DGKH: variants seen among roughly 807,000 people sequenced by gnomAD.
DGKH encodes diacylglycerol kinase eta.
Under a neutral mutation model 159.3 loss-of-function variants are expected in DGKH, and 90 were observed. The observed-to-expected ratio is 0.57, with a 90% CI of 0.48 to 0.67. DGKH has a LOEUF of 0.67. Among genes scored for constraint, DGKH ranks in the 30% least tolerant of loss-of-function variants. The pLI is 0.00. For missense variants in DGKH, 1,181 were observed against 1,506.1 expected (o/e 0.78, Z 3.57); for synonymous variants, 536 against 553.8 (o/e 0.97, Z 0.45).
At chr13:42,198,652 T>TC in intron 18 of DGKH, 57 bp downstream of exon 18, 1 of 1,138,030 alleles carries the variant, frequency 8.8e-7, no homozygotes, top group South Asian at 1.3e-5. Context: ...TTTTTTTTTT[T>TC]CAACATGAAC....
chr13:42,117,175 A>G lies in DGKH; in HGVS notation c.193-10288A>G, dbSNP rs77749632. 6.5e-3 allele frequency among the ~76,000 whole-genome samples: 990 copies of G among 152,362 alleles called. 10 individuals are homozygous for G. The highest frequency in any genetic ancestry group is 0.023 in the African/African-American group (946 of 41,584). Reference sequence around the variant, plus strand: ...TAAAACTAAAACATACTTGCTTTTAACAGATTCTTAACCATAACTCTGATT... The same window carrying G: ...TAAAACTAAAACATACTTGCTTTTAGCAGATTCTTAACCATAACTCTGATT... On this transcript the variant is annotated intron_variant, in intron 1 of 29. Coordinates refer to ENST00000337343, the MANE Select transcript of DGKH (RefSeq NM_178009.5).
intron 13 of DGKH, among the ~76,000 whole-genome samples, chr13:42,179,897 T>C (rs994541145): frequency 3.3e-5 from 5 of 152,152 alleles, no homozygotes; most frequent in African/African-American, 4.8e-5. Flanking sequence ...ACTCTAATTA[T>C]CCTGTTTGCA....
chr13:42,233,306 A>C lies in DGKH; in HGVS notation c.*4118A>C, dbSNP rs1958345526. On this transcript the variant is annotated 3_prime_UTR_variant, in exon 30 of 30. Transcript: ENST00000337343. ...CTCAAAATGTGATCCATGGGCCAGC[A>C]GCATCAATATTACCTGGGAGCTTAC... The C allele has an allele frequency of 1.3e-5, 2 of 152,352 alleles. 1 individual carries two copies. Among genetic ancestry groups the C allele is most frequent in the Middle Eastern group, 6.8e-3 (2 of 294 alleles). The allele number at this position is 152,352 out of a possible 1,614,324, so 9.4% of individuals were successfully genotyped here. A position where few individuals can be genotyped will look rare whatever the true frequency, so the allele number is the denominator to read the frequency against.
At chr13:42,186,623 CAA>C (rs966918289) in intron 13 of DGKH, among the ~76,000 whole-genome samples, 3 of 152,114 alleles carry the variant, frequency 2.0e-5, no homozygotes, top group African/African-American at 7.2e-5. Context: ...CTGTAACAAT[CAA>C]AATATCCATA....
intron 1 of DGKH, among the ~76,000 whole-genome samples, chr13:42,052,579 A>C (rs966927464): frequency 6.6e-6 from 1 of 152,244 alleles, no homozygotes; most frequent in African/African-American, 2.4e-5. Context: ...TTGGATTTGC[A>C]TTCAGACATA....
intron 29 of DGKH, among the ~76,000 whole-genome samples, chr13:42,251,464 C>T (rs897934287): frequency 6.6e-6 from 1 of 152,160 alleles, no homozygotes; most frequent in Non-Finnish European, 1.5e-5. Context: ...TATACCCACT[C>T]ATGTCTGTTC....
At chr13:42,225,817 T>C (rs918787788) in intron 29 of DGKH, among the ~76,000 whole-genome samples, 3 of 150,530 alleles carry the variant, frequency 2.0e-5, no homozygotes, top group Non-Finnish European at 4.4e-5. Context: ...TATAATGATA[T>C]GTGATAAAAA....
intron 29 of DGKH, among the ~76,000 whole-genome samples, chr13:42,227,104 T>A (rs1308289046): frequency 1.3e-5 from 2 of 151,998 alleles, no homozygotes; most frequent in Non-Finnish European, 2.9e-5. Flanking sequence ...TGGGTCCTGT[T>A]GTGGGGGCAG....
chr13:42,173,258 A>C (rs942742691), intron 11 of DGKH, among the ~76,000 whole-genome samples: 1 of 152,222 alleles, frequency 6.6e-6, no homozygotes, highest in Non-Finnish European at 1.5e-5. Context: ...GGCATGAGGC[A>C]CCACACCTGG....
chr13:42,223,632 G>A (rs1360966776), intron 29 of DGKH, among the ~76,000 whole-genome samples: 1 of 151,748 alleles, frequency 6.6e-6, no homozygotes, highest in African/African-American at 2.4e-5. Flanking sequence ...GTGGTGGCAC[G>A]CTCCTATAGT....
chr13:42,079,731 G>A (rs1280637818), intron 1 of DGKH, among the ~76,000 whole-genome samples: 4 of 152,182 alleles, frequency 2.6e-5, no homozygotes, highest in African/African-American at 9.6e-5. Flanking sequence ...TAACCATAAT[G>A]CTAACTTTAA....
intron 11 of DGKH, 150 bp from the exon 12 acceptor site, chr13:42,173,910 G>T: frequency 2.1e-6 from 1 of 469,772 alleles, no homozygotes; most frequent in Non-Finnish European, 3.7e-6. Context: ...ATTTTTGGTT[G>T]TTTTAAGATA....
intron 1 of DGKH, among the ~76,000 whole-genome samples, chr13:42,095,165 T>TC (rs1179061832): frequency 1.5e-5 from 2 of 135,656 alleles, no homozygotes; most frequent in Non-Finnish European, 3.2e-5. Context: ...CCTTTTTTTT[T>TC]TTTTTTTTTT....
chr13:42,186,910 G>T (rs967391223), intron 13 of DGKH, 139 bp from the exon 14 acceptor site: 1 of 674,256 alleles, frequency 1.5e-6, no homozygotes, highest in Non-Finnish European at 2.5e-6. Context: ...CTGCACAGCA[G>T]ATAGAAGCAT....
At chr13:42,248,174 C>T (rs1958595150) in intron 29 of DGKH, among the ~76,000 whole-genome samples, 1 of 152,146 alleles carries the variant, frequency 6.6e-6, no homozygotes, top group Non-Finnish European at 1.5e-5. Context: ...GTAATCCCAG[C>T]ACTTTGGGAG....
At chr13:42,199,473 C>T in intron 18 of DGKH, 93 bp from the exon 19 acceptor site, 1 of 851,486 alleles carries the variant, frequency 1.2e-6, no homozygotes, top group Non-Finnish European at 1.8e-6. Context: ...AAAATGAAAG[C>T]TTAAATGGTT....
chr13:42,040,919 C>T (rs1880457755), intron 1 of DGKH, among the ~76,000 whole-genome samples: 1 of 150,320 alleles, frequency 6.7e-6, no homozygotes, highest in Non-Finnish European at 1.5e-5. Context: ...GCCCGGCGCC[C>T]GCAGCCCAGC....
chr13:42,043,442 G>C (rs1361346193), intron 1 of DGKH, among the ~76,000 whole-genome samples: 1 of 151,214 alleles, frequency 6.6e-6, no homozygotes, highest in Non-Finnish European at 1.5e-5. Flanking sequence ...CAGCCAGGAG[G>C]GATCCTCCCG....
chr13:42,086,078 C>T (rs982604880), intron 1 of DGKH, among the ~76,000 whole-genome samples: 8 of 152,040 alleles, frequency 5.3e-5, no homozygotes, highest in African/African-American at 1.9e-4. Flanking sequence ...CCACTACACC[C>T]ACCTAATTTT....
Sources: gnomAD v4.1 joint callset for allele counts (sites outside exome capture counted in the v4.1 genomes callset) on GRCh38, gnomAD v4.1.1 for gene constraint, MANE v1.5 for transcripts, NCBI Gene and HGNC (gene_info 2026-07-23, HGNC 2026-07-21) for gene names.